Variants in SATB1 observed in about 807,000 individuals in gnomAD.
SATB1 encodes the protein DNA-binding protein SATB1.
In SATB1, 11 loss-of-function variants were observed where a neutral mutation model predicts 86.9. The ratio of observed to expected loss-of-function variants is 0.13; its 90% confidence interval spans 0.08 to 0.21. SATB1 has a LOEUF of 0.21. Ranked by LOEUF, SATB1 falls within the 10% of genes least tolerant of loss-of-function variation. SATB1 has a pLI of 1.00. For synonymous variants in SATB1, 357 were observed against 357.2 expected (o/e 1.00, Z 0.01); for missense variants, 551 against 937.6 (o/e 0.59, Z 5.39).
At chr3:18,432,861 T>C (rs1169375150) in intron 2 of SATB1, among the ~76,000 whole-genome samples, 1 of 150,782 alleles carries the variant, frequency 6.6e-6, no homozygotes, top group Non-Finnish European at 1.5e-5. Context: ...TTGGCAGATA[T>C]ATAATACCAG....
intron 5 of SATB1, among the ~76,000 whole-genome samples, chr3:18,399,943 A>G (rs1441327941): frequency 6.6e-6 from 1 of 151,992 alleles, no homozygotes; most frequent in East Asian, 1.9e-4. Context: ...TGTGTGTTTC[A>G]GGTGGTAAAA....
chr3:18,371,042 C>T (rs550638425), intron 9 of SATB1, among the ~76,000 whole-genome samples: 1 of 152,174 alleles, frequency 6.6e-6, no homozygotes, highest in Non-Finnish European at 1.5e-5. Flanking sequence ...TATTATATGA[C>T]AGCATGCTGC....
intron 9 of SATB1, among the ~76,000 whole-genome samples, chr3:18,361,294 T>C (rs971842233): frequency 1.3e-5 from 2 of 152,136 alleles, no homozygotes; most frequent in African/African-American, 4.8e-5. Flanking sequence ...CTCTATAAAA[T>C]GGGGTCTAAT....
intron 7 of SATB1, among the ~76,000 whole-genome samples, chr3:18,391,059 A>G (rs1364211548): frequency 6.6e-6 from 1 of 152,182 alleles, no homozygotes; most frequent in East Asian, 1.9e-4. Flanking sequence ...AGAAGGGGAA[A>G]AATTCCTTAA....
chr3:18,355,632 G>A (rs1349829189), intron 9 of SATB1, among the ~76,000 whole-genome samples: 1 of 151,908 alleles, frequency 6.6e-6, no homozygotes, highest in Non-Finnish European at 1.5e-5. Context: ...GAAATGCAGT[G>A]CTTTGTTGCA....
At position 18,394,840 on chromosome 3, in the gene SATB1, C is replaced by T. The variant is rs774712040; in HGVS notation, c.828G>A (p.Gly276=). Residue 276 remains glycine (G), a synonymous_variant, in exon 7 of 11, where the codon GGG becomes GGA. Coordinates refer to ENST00000338745, the MANE Select transcript of SATB1 (RefSeq NM_002971.6). This position sits in a 1 kb window ranked among gnomAD's most constrained non-coding sequence, Gnocchi z 5.9. Reference sequence around the variant, plus strand: ...GGGATGGAGGCTGCTCGGCTGTGTTCCCTGGAACTGGTTGCTGGCCAAAAT... The same window carrying T: ...GGGATGGAGGCTGCTCGGCTGTGTTTCCTGGAACTGGTTGCTGGCCAAAAT... ...HVNFGQQPVP[G]NTAEQPPSPA... The T allele has an allele frequency of 1.9e-6, 3 of 1,613,876 alleles. No individual in the cohort carries two copies. Among genetic ancestry groups the T allele is most frequent in the East Asian group, 4.5e-5 (2 of 44,866 alleles).
chr3:18,419,741 G>GT (rs1698295616), intron 2 of SATB1, among the ~76,000 whole-genome samples: 1 of 152,182 alleles, frequency 6.6e-6, no homozygotes, highest in African/African-American at 2.4e-5. Context: ...GGGTAATCAT[G>GT]AGTAGAGGCC....
chr3:18,386,924 C>A lies in SATB1; in HGVS notation c.1207-313G>T, dbSNP rs1696374478. ...CAGGGAAGTTAAGAATAAACGAAAT[C>A]CTTATAATGCAACAGCACTGAACTG... On this transcript the variant is annotated intron_variant, in intron 7 of 10. Coordinates refer to ENST00000338745, the MANE Select transcript of SATB1 (RefSeq NM_002971.6). The surrounding 1 kb of genome is among the most constrained non-coding windows in gnomAD (Gnocchi z 4.5). Among the ~76,000 whole-genome samples the A allele has an allele frequency of 6.6e-6, 1 of 152,174 alleles. No individual in the cohort carries two copies. Among genetic ancestry groups the A allele is most frequent in the Non-Finnish European group, 1.5e-5 (1 of 68,032 alleles).
chr3:18,445,120 C>A (rs1417883927), intron 1 of SATB1: 12 of 711,244 alleles, frequency 1.7e-5, no homozygotes, highest in African/African-American at 7.7e-5. Flanking sequence ...GCTCGGCGGA[C>A]CCCGCGTAGC....
rs1694099917 is a variant in SATB1, at chr3:18,347,213, T to TATC, written c.*1954_*1956dup. On this transcript the variant is annotated 3_prime_UTR_variant, in exon 11 of 11. Coordinates refer to ENST00000338745, the MANE Select transcript of SATB1 (RefSeq NM_002971.6). ...AAGAGAAGGGGCAATTGCAAAATGG[T>TATC]ATCTCAAGCAACCCAGATACCCCTA... 1 of 152,094 alleles carries TATC rather than the reference T, an allele frequency of 6.6e-6. No homozygotes were observed. Among genetic ancestry groups the TATC allele is most frequent in the Non-Finnish European group, 1.5e-5 (1 of 68,014 alleles). The allele number at this position is 152,094 out of a possible 1,614,324, so 9.4% of individuals were successfully genotyped here. A position where few individuals can be genotyped will look rare whatever the true frequency, so the allele number is the denominator to read the frequency against.
In SATB1 at chr3:18,383,355, G is replaced by A. The variant is rs1011822180; in HGVS notation, c.1419+3044C>T. ...GGTCCTTGTTATGGTATGTCCCAAG[G>A]GCACTCCAAAATCATCTTCTGCATG... is the stretch of plus-strand genomic sequence containing the variant. On this transcript the variant is annotated intron_variant, in intron 8 of 10. Transcript: ENST00000338745. 3.9e-5 allele frequency among the ~76,000 whole-genome samples: 6 copies of A among 152,138 alleles called. No homozygotes were observed. The South Asian group carries it at 1.0e-3, about 26-fold the overall frequency.
chr3:18,349,406 T>C lies in SATB1; in HGVS notation c.2056A>G (p.Lys686Glu). ...QTLSAQLDLP[K>E]YTIIKFFQNQ... is the part of the protein sequence containing the mutation. ...TGAAAGAACTTGATGATGGTGTACTTGGGAAGGTCGAGCTGGGCAGACAGA... is the reference window on the plus strand; with the variant it reads ...TGAAAGAACTTGATGATGGTGTACTCGGGAAGGTCGAGCTGGGCAGACAGA... Residue 686 changes from lysine to glutamate, a missense_variant, in exon 11 of 11, where the codon AAG becomes GAG. Lys to Glu is a moderately conservative substitution (Grantham distance 56). Transcript: ENST00000338745. This position sits in a 1 kb window ranked among gnomAD's most constrained non-coding sequence, Gnocchi z 5.5. 1 of 1,614,166 alleles carries C rather than the reference T, an allele frequency of 6.2e-7. No individual in the cohort carries two copies. Among genetic ancestry groups the C allele is most frequent in the Non-Finnish European group, 8.5e-7 (1 of 1,180,036 alleles).
At chr3:18,396,333 TA>T (rs1171877232) in intron 6 of SATB1, among the ~76,000 whole-genome samples, 2 of 152,172 alleles carry the variant, frequency 1.3e-5, no homozygotes, top group African/African-American at 2.4e-5. Flanking sequence ...GAAATAGATT[TA>T]AAACAGGACA....
intron 5 of SATB1, among the ~76,000 whole-genome samples, chr3:18,402,070 A>G (rs1362119584): frequency 6.6e-6 from 1 of 152,184 alleles, no homozygotes; most frequent in African/African-American, 2.4e-5. Context: ...TGAAAAACAA[A>G]AACCACAAAG....
chr3:18,427,789 T>TGAGC (rs1698757696), upstream of SATB1, among the ~76,000 whole-genome samples: 1 of 152,086 alleles, frequency 6.6e-6, no homozygotes, highest in African/African-American at 2.4e-5. Flanking sequence ...ACAGAATAAA[T>TGAGC]GAGCATAAAG....
Position 18,397,187 on chromosome 3 carries a change from T to A in SATB1, c.743A>T (p.Asp248Val), listed in dbSNP as rs555931631. 1 of 1,585,514 alleles carries A rather than the reference T, an allele frequency of 6.3e-7. No homozygotes were observed. The highest frequency in any genetic ancestry group is 1.7e-5 in the Admixed American group (1 of 59,994). ...RWYKHFKKTKDMMVEMDSLSE... is the reference protein window; with the variant it reads ...RWYKHFKKTKVMMVEMDSLSE... ...ATGTTTTTTTTGCTTACCCATCATA[T>A]CTTTTGTCTTCTTGAAATGTTTGTA... The change falls in exon 6 of 11, where the codon GAT becomes GTT. Residue 248 changes from aspartate (D) to valine (V), a missense_variant. Coordinates refer to ENST00000338745, the MANE Select transcript of SATB1 (RefSeq NM_002971.6).
At chr3:18,409,205 G>A (rs1697704893) in intron 5 of SATB1, 1 of 152,016 alleles carries the variant, frequency 6.6e-6, no homozygotes, top group Non-Finnish European at 1.5e-5. Flanking sequence ...TAAAATATTT[G>A]AGATCAATCC....
Position 18,420,942 on chromosome 3 carries a change from T to G in SATB1, c.26A>C (p.Gln9Pro), listed in dbSNP as rs759569874. ...AGACATTTCTGAATGTTCTTTCCCC[T>G]GAGTTGCCTCGTTCAAATGATCCAT... MDHLNEAT[Q>P]GKEHSEMSNN... is the part of the protein sequence containing the mutation. The change falls in exon 2 of 11, where the codon CAG (glutamine) becomes CCG (proline). Residue 9 changes from glutamine (Q) to proline (P), a missense_variant. By Grantham distance (76) the Gln-to-Pro change is moderately conservative. Around this residue, in one of 8 missense-constraint regions of SATB1, gnomAD observed 153 missense variants for 258.1 expected, o/e 0.59. Coordinates refer to ENST00000338745, the MANE Select transcript of SATB1 (RefSeq NM_002971.6). 1.9e-6 allele frequency: 3 copies of G among 1,614,194 alleles called. No homozygotes were observed. Among genetic ancestry groups the G allele is most frequent in the African/African-American group, 2.7e-5 (2 of 75,048 alleles).
intron 6 of SATB1, among the ~76,000 whole-genome samples, 200 bp from the exon 7 acceptor site, chr3:18,395,116 G>A (rs1252779094): frequency 6.6e-6 from 1 of 152,156 alleles, no homozygotes. Flanking sequence ...CTTTGGAAAT[G>A]GGACAGCATT....
Sources: allele counts gnomAD v4.1 joint callset (sites outside exome capture counted in the v4.1 genomes callset), GRCh38; gene constraint gnomAD v4.1.1; regional missense constraint gnomAD v4.1.1; non-coding constraint Gnocchi (gnomAD v3.1); transcripts MANE v1.5; gene names NCBI Gene and HGNC (gene_info 2026-07-23, HGNC 2026-07-21).